The following MAST4 variants were observed in gnomAD, a reference collection of about 807,000 sequenced individuals.
The protein encoded by MAST4 is microtubule associated serine/threonine kinase family member 4, also known as microtubule-associated serine/threonine-protein kinase 4.
A neutral mutation model predicts 162.7 loss-of-function variants in MAST4; 89 were observed. The ratio of observed to expected loss-of-function variants is 0.55; its 90% CI spans 0.46 to 0.65. The LOEUF (loss-of-function observed/expected upper bound fraction) is 0.65. Ranked by LOEUF, MAST4 falls within the 30% of genes least tolerant of loss-of-function variation. MAST4 has a pLI of 0.00. For missense variants in MAST4, 3,153 were observed against 3,374.0 expected (o/e 0.93, Z 1.62); for synonymous variants, 1,479 against 1,361.1 (o/e 1.09, Z -1.91).
intron 5 of MAST4, among the ~76,000 whole-genome samples, chr5:67,058,550 A>C (rs1376496922): frequency 6.6e-6 from 1 of 152,262 alleles, no homozygotes; most frequent in Admixed American, 6.5e-5. Context: ...TAGTTAAGTA[A>C]ATAATGATTC....
intron 22 of MAST4, 104 bp downstream of exon 22, chr5:67,144,900 A>C (rs1770873942): frequency 7.4e-7 from 1 of 1,346,178 alleles, no homozygotes; most frequent in Admixed American, 2.4e-5. Context: ...TAAAACACAG[A>C]TCTCCCACTT....
intron 7 of MAST4, among the ~76,000 whole-genome samples, chr5:67,097,904 T>G (rs1010481380): frequency 3.3e-5 from 5 of 152,126 alleles, no homozygotes; most frequent in African/African-American, 1.2e-4. Flanking sequence ...GCTACTTCTC[T>G]ATTTTTCTCA....
intron 1 of MAST4, among the ~76,000 whole-genome samples, chr5:66,720,832 C>T (rs2149537949): frequency 6.6e-6 from 1 of 152,114 alleles, no homozygotes; most frequent in African/African-American, 2.4e-5. Flanking sequence ...TTTTCTCTGT[C>T]CTCAAACTTT....
chr5:67,131,912 A>G lies in MAST4; in HGVS notation c.2054A>G (p.His685Arg). The stretch of plus-strand genomic sequence containing the variant: ...ACGGTCTTGGCCTTGGAATATTTAC[A>G]TAATTATGGAATTGTACACAGGGAT... ...AETVLALEYL[H>R]NYGIVHRDLK... is the part of the protein sequence containing the mutation. Residue 685 changes from histidine (H) to arginine (R), a missense_variant, in exon 16 of 29, where the codon CAT (histidine) becomes CGT (arginine). Transcript: ENST00000403625. The G allele has an allele frequency of 1.9e-6, 3 of 1,613,284 alleles. No homozygotes were observed. Among genetic ancestry groups the G allele is most frequent in the Non-Finnish European group, 1.7e-6 (2 of 1,179,362 alleles).
At chr5:66,969,026 T>C (rs1747100987) in intron 4 of MAST4, among the ~76,000 whole-genome samples, 2 of 152,250 alleles carry the variant, frequency 1.3e-5, no homozygotes, top group Admixed American at 1.3e-4. Flanking sequence ...CCATGTAGCA[T>C]AATGTGGTAC....
At chr5:66,663,914 A>G (rs1436735390) in intron 1 of MAST4, among the ~76,000 whole-genome samples, 1 of 152,132 alleles carries the variant, frequency 6.6e-6, no homozygotes, top group African/African-American at 2.4e-5. Context: ...TACTGCAGTG[A>G]TACCCAGGAG....
intron 1 of MAST4, among the ~76,000 whole-genome samples, chr5:66,750,332 C>T (rs1040226362): frequency 4.6e-5 from 7 of 152,298 alleles, no homozygotes; most frequent in African/African-American, 1.4e-4. Flanking sequence ...GTCTACAGCT[C>T]CCAGCGTGAG....
chr5:66,918,524 C>A (rs932903181), intron 4 of MAST4, among the ~76,000 whole-genome samples: 2 of 152,040 alleles, frequency 1.3e-5, no homozygotes, highest in African/African-American at 4.8e-5. Flanking sequence ...ATTGTTTTTA[C>A]TGACATTCTT....
chr5:66,974,844 T>C (rs946173641), intron 4 of MAST4, among the ~76,000 whole-genome samples: 2 of 152,222 alleles, frequency 1.3e-5, no homozygotes, highest in African/African-American at 2.4e-5. Context: ...TTCAGAGAAT[T>C]TCTATTCTAG....
chr5:66,987,124 T>G (rs998764979), intron 4 of MAST4, among the ~76,000 whole-genome samples: 2 of 152,236 alleles, frequency 1.3e-5, no homozygotes, highest in Non-Finnish European at 2.9e-5. Flanking sequence ...AGGTTTTTTT[T>G]TAAGTCAAAT....
chr5:66,605,189 C>A (rs925051521), intron 1 of MAST4, among the ~76,000 whole-genome samples: 1 of 152,298 alleles, frequency 6.6e-6, no homozygotes, highest in South Asian at 2.1e-4. Context: ...CCTGAGCCCT[C>A]ACCTAGGCTT....
intron 3 of MAST4, among the ~76,000 whole-genome samples, chr5:66,838,825 G>A (rs71626445): frequency 6.6e-6 from 1 of 152,158 alleles, no homozygotes; most frequent in African/African-American, 2.4e-5. Flanking sequence ...GAAGCAGGAA[G>A]TGTTTAGCAG....
intron 1 of MAST4, among the ~76,000 whole-genome samples, chr5:66,741,094 A>G (rs998532677): frequency 2.6e-5 from 4 of 151,994 alleles, no homozygotes; most frequent in African/African-American, 9.7e-5. Flanking sequence ...TACTGAATGC[A>G]CTCTGACTTC....
intron 3 of MAST4, among the ~76,000 whole-genome samples, chr5:66,862,444 A>G (rs944481873): frequency 6.6e-6 from 1 of 152,240 alleles, no homozygotes. Flanking sequence ...AATTACAGCC[A>G]TAAACTTATT....
intron 1 of MAST4, among the ~76,000 whole-genome samples, chr5:66,750,998 A>C (rs189917412): frequency 1.3e-5 from 2 of 152,136 alleles, no homozygotes; most frequent in Non-Finnish European, 2.9e-5. Context: ...CCTGACCCCC[A>C]AGCAGCCTAA....
intron 21 of MAST4, 55 bp from the exon 22 acceptor site, chr5:67,144,614 T>C: frequency 6.3e-7 from 1 of 1,580,900 alleles, no homozygotes; most frequent in East Asian, 2.2e-5. Context: ...TGGAGTGTTT[T>C]TCTGACAAAC....
intron 1 of MAST4, among the ~76,000 whole-genome samples, chr5:66,679,216 G>C (rs1472774854): frequency 6.6e-6 from 1 of 152,224 alleles, no homozygotes; most frequent in East Asian, 1.9e-4. Flanking sequence ...GGGATATTGA[G>C]ATAGTTCGTT....
intron 4 of MAST4, among the ~76,000 whole-genome samples, chr5:66,969,674 C>T (rs926408757): frequency 6.6e-6 from 1 of 152,124 alleles, no homozygotes; most frequent in Admixed American, 6.5e-5. Context: ...CACTTGTTGC[C>T]ATGGTGAGGG....
In MAST4 at chr5:66,596,708, GC is replaced by G; in HGVS notation, c.55del (p.His19ThrfsTer131). The G allele has an allele frequency of 6.9e-7, 1 of 1,453,786 alleles. No individual in the cohort carries two copies. The highest frequency in any genetic ancestry group is 1.5e-5 in the South Asian group (1 of 68,360). 90.1% of individuals were successfully genotyped at this position (1,453,786 alleles called of 1,614,324 possible). A position where few individuals can be genotyped will look rare whatever the true frequency, so the allele number is the denominator to read the frequency against. On this transcript the variant is annotated frameshift_variant, in exon 1 of 29. Transcript: ENST00000403625. LOFTEE classifies it high-confidence loss of function. ...APEPVPRGCS[G>X]HGSRTPASAL... is the part of the protein sequence containing the mutation. ...GAGCCGGTGCCCCGCGGCTGCAGTG[GC>G]CACGGCAGCCGGACTCCAGCCTCTG...
Sources: gnomAD v4.1 joint callset for allele counts (sites outside exome capture counted in the v4.1 genomes callset) on GRCh38, gnomAD v4.1.1 for gene constraint, MANE v1.5 for transcripts, NCBI Gene and HGNC (gene_info 2026-07-23, HGNC 2026-07-21) for gene names.